The following TMCC3 variants were observed in gnomAD, a reference collection of about 807,000 sequenced individuals.
The protein encoded by TMCC3 is transmembrane and coiled-coil domain protein 3.
Under a neutral mutation model 40.2 loss-of-function variants are expected in TMCC3, and 28 were observed. The observed-to-expected ratio is 0.70, with a 90% CI of 0.52 to 0.95. TMCC3 has a LOEUF of 0.95. TMCC3 is among the 40% of genes least tolerant of loss of function. The pLI is 0.00. For missense variants in TMCC3, 554 were observed against 615.2 expected (o/e 0.90, Z 1.05); for synonymous variants, 255 against 248.5 (o/e 1.03, Z -0.25).
intron 1 of TMCC3, among the ~76,000 whole-genome samples, chr12:94,635,904 A>G (rs1277964302): frequency 2.6e-5 from 4 of 152,050 alleles, no homozygotes; most frequent in Non-Finnish European, 5.9e-5. Flanking sequence ...CCTGACCTCA[A>G]GTGATCCACC....
At chr12:94,612,759 G>A (rs1254364705) in intron 1 of TMCC3, among the ~76,000 whole-genome samples, 1 of 152,116 alleles carries the variant, frequency 6.6e-6, no homozygotes, top group Non-Finnish European at 1.5e-5. Flanking sequence ...TTTTTTCAGT[G>A]GTTCTAGGAT....
At position 94,570,432 on chromosome 12, in the gene TMCC3, A is replaced by G. The variant is rs2068520334; in HGVS notation, c.*1003T>C. Reference sequence around the variant, plus strand: ...AGATGAATCACATAAAGTGAATCATATCCTCCAGGGGGGCTTATCACAATC... The same window carrying G: ...AGATGAATCACATAAAGTGAATCATGTCCTCCAGGGGGGCTTATCACAATC... On this transcript the variant is annotated 3_prime_UTR_variant, in exon 4 of 4. Transcript: ENST00000261226. The G allele has an allele frequency of 6.6e-6, 1 of 152,196 alleles. No homozygotes were observed. The highest frequency in any genetic ancestry group is 1.5e-5 in the Non-Finnish European group (1 of 68,048). 9.4% of individuals were successfully genotyped at this position (152,196 alleles called of 1,614,324 possible). A position where few individuals can be genotyped will look rare whatever the true frequency, so the allele number is the denominator to read the frequency against.
At chr12:94,623,507 C>T (rs1180224513) in intron 1 of TMCC3, among the ~76,000 whole-genome samples, 1 of 152,250 alleles carries the variant, frequency 6.6e-6, no homozygotes, top group East Asian at 1.9e-4. Context: ...TTTCTGCTCT[C>T]ACAGGTGTTG....
chr12:94,648,385 C>T (rs1314093653), intron 1 of TMCC3, among the ~76,000 whole-genome samples: 1 of 152,130 alleles, frequency 6.6e-6, no homozygotes, highest in Non-Finnish European at 1.5e-5. Context: ...CACCACCACG[C>T]CCGGCTAATT....
At chr12:94,573,962 G>A (rs918134279) in intron 3 of TMCC3, among the ~76,000 whole-genome samples, 7 of 152,130 alleles carry the variant, frequency 4.6e-5, no homozygotes, top group South Asian at 4.1e-4. Flanking sequence ...CAAGACATAC[G>A]CTGCCTGAGG....
chr12:94,634,274 C>T lies in TMCC3; in HGVS notation c.78+16079G>A, dbSNP rs138737096. ...ATATGTATTATTCTTATTTATCTATCTGTTACCATTCTAATTACCCCAAAC... is the reference window on the plus strand; with the variant it reads ...ATATGTATTATTCTTATTTATCTATTTGTTACCATTCTAATTACCCCAAAC... On this transcript the variant is annotated intron_variant, in intron 1 of 3. Transcript: ENST00000261226. 4.6e-3 allele frequency among the ~76,000 whole-genome samples: 694 copies of T among 152,134 alleles called. 9 individuals are homozygous for T. The highest frequency in any genetic ancestry group is 0.015 in the African/African-American group (640 of 41,512).
At chr12:94,613,646 T>G (rs970805024) in intron 1 of TMCC3, among the ~76,000 whole-genome samples, 5 of 151,558 alleles carry the variant, frequency 3.3e-5, no homozygotes, top group Non-Finnish European at 5.9e-5. Flanking sequence ...CTCTTGGGGG[T>G]GGGAAGGCTT....
At chr12:94,586,755 GTATGCACAGGAATGTT>G (rs1265631382) in intron 1 of TMCC3, among the ~76,000 whole-genome samples, 11 of 152,344 alleles carry the variant, frequency 7.2e-5, no homozygotes, top group East Asian at 3.9e-4. Context: ...GGACAGCCTT[GTATGCACAGGAATGTT>G]TATGCACAGA....
intron 1 of TMCC3, among the ~76,000 whole-genome samples, chr12:94,588,733 A>G (rs926551565): frequency 1.5e-4 from 23 of 152,232 alleles, no homozygotes; most frequent in African/African-American, 5.3e-4. Context: ...TTTCAGGTCT[A>G]AAGTCTAGGC....
At chr12:94,628,460 C>A (rs2068915245) in intron 1 of TMCC3, among the ~76,000 whole-genome samples, 1 of 152,204 alleles carries the variant, frequency 6.6e-6, no homozygotes, top group African/African-American at 2.4e-5. Context: ...CCAGAGCTAC[C>A]AATGACAGGC....
rs146574420 is a variant in TMCC3, at chr12:94,596,930, A to G, written c.79-14392T>C. Among the ~76,000 whole-genome samples, 28 of 152,044 alleles carry G rather than the reference A, an allele frequency of 1.8e-4. No individual in the cohort carries two copies. In the East Asian group the frequency reaches 5.2e-3, roughly 28 times the overall value. On this transcript the variant is annotated intron_variant, in intron 1 of 3. Coordinates refer to ENST00000261226, the MANE Select transcript of TMCC3 (RefSeq NM_020698.4). ...ACACATGTGAGAGGTCAAATAGGAA[A>G]CTGATGTTTCATGGCTCTTCACTGC...
In TMCC3 at chr12:94,571,014, C is replaced by T. The variant is rs549453403; in HGVS notation, c.*421G>A. 1 of 205,838 alleles carries T rather than the reference C, an allele frequency of 4.9e-6. No homozygotes were observed. Among genetic ancestry groups the T allele is most frequent in the Non-Finnish European group, 9.9e-6 (1 of 100,698 alleles). 12.8% of individuals were successfully genotyped at this position (205,838 alleles called of 1,614,324 possible). On this transcript the variant is annotated 3_prime_UTR_variant, in exon 4 of 4. Transcript: ENST00000261226. ...CTGCCCAAGCCTGTGATTCTTCATT[C>T]CCTGAATCATGCATATCCTTGCTTT...
At chr12:94,585,745 C>T (rs1411988644) in intron 1 of TMCC3, among the ~76,000 whole-genome samples, 1 of 152,150 alleles carries the variant, frequency 6.6e-6, no homozygotes, top group East Asian at 1.9e-4. Flanking sequence ...TGAAGCTTTT[C>T]CCAGTCCCAG....
chr12:94,572,330 A>T lies in TMCC3; in HGVS notation c.1132-593T>A, dbSNP rs11107608. Reference sequence around the variant, plus strand: ...TCTTTTTTTTTTTTTTTTTTTTTTGAGACAGAGTTTCACTCTGTCACCCAG... The same window carrying T: ...TCTTTTTTTTTTTTTTTTTTTTTTGTGACAGAGTTTCACTCTGTCACCCAG... On this transcript the variant is annotated intron_variant, in intron 3 of 3. Coordinates refer to ENST00000261226, the MANE Select transcript of TMCC3 (RefSeq NM_020698.4). 4.2e-3 allele frequency among the ~76,000 whole-genome samples: 352 copies of T among 82,878 alleles called. 9 individuals carry two copies. Among genetic ancestry groups the T allele is most frequent in the African/African-American group, 0.012 (198 of 16,650 alleles). The allele number at this position is 82,878 out of a possible 152,430, so 54.4% of individuals were successfully genotyped here.
intron 1 of TMCC3, among the ~76,000 whole-genome samples, chr12:94,612,155 T>C (rs1198119388): frequency 6.6e-6 from 1 of 152,072 alleles, no homozygotes; most frequent in Non-Finnish European, 1.5e-5. Flanking sequence ...CACACCATCA[T>C]GCTCGGCTAA....
At chr12:94,647,611 G>T (rs2069026762) in intron 1 of TMCC3, among the ~76,000 whole-genome samples, 1 of 152,138 alleles carries the variant, frequency 6.6e-6, no homozygotes, top group Admixed American at 6.5e-5. Flanking sequence ...TCATAAAAGG[G>T]TTCTTTTTAA....
At chr12:94,600,242 T>G (rs1259736744) in intron 1 of TMCC3, among the ~76,000 whole-genome samples, 65 of 99,516 alleles carry the variant, frequency 6.5e-4, no homozygotes, top group African/African-American at 5.0e-3. Context: ...AAATTCTGGT[T>G]TTTTTTTTTT....
chr12:94,607,404 T>G (rs1045646113), intron 1 of TMCC3, among the ~76,000 whole-genome samples: 1 of 152,228 alleles, frequency 6.6e-6, no homozygotes, highest in Non-Finnish European at 1.5e-5. Flanking sequence ...AGAGTATTAT[T>G]ACAGAAGTGA....
chr12:94,606,210 C>T (rs531104375), intron 1 of TMCC3, among the ~76,000 whole-genome samples: 1 of 152,182 alleles, frequency 6.6e-6, no homozygotes, highest in South Asian at 2.1e-4. Context: ...CTGCTCTTAG[C>T]CTATTATGGA....
Sources: gnomAD v4.1 joint callset for allele counts (sites outside exome capture counted in the v4.1 genomes callset) on GRCh38, gnomAD v4.1.1 for gene constraint, MANE v1.5 for transcripts, NCBI Gene and HGNC (gene_info 2026-07-23, HGNC 2026-07-21) for gene names.